The following XKR4 variants were observed in gnomAD, a reference collection of about 807,000 sequenced individuals.
The protein encoded by XKR4 is XK related 4.
Under a neutral mutation model 53.9 loss-of-function variants are expected in XKR4, and 12 were observed. That is an observed-to-expected ratio of 0.22 (90% CI 0.14 to 0.36). The LOEUF (loss-of-function observed/expected upper bound fraction) is 0.36, where lower values mean the gene tolerates loss of function less well. XKR4 is among the 10% of genes least tolerant of loss of function. XKR4 has a pLI of 1.00. For synonymous variants in XKR4, 354 were observed against 362.4 expected, an observed-to-expected ratio of 0.98 and a Z score of 0.26; for missense variants, 799 against 859.5, an observed-to-expected ratio of 0.93 and a Z score of 0.88.
chr8:55,378,239 A>G (rs1200241021), intron 2 of XKR4, among the ~76,000 whole-genome samples: 2 of 152,266 alleles, frequency 1.3e-5, no homozygotes, highest in Non-Finnish European at 2.9e-5. Context: ...AATTTACACT[A>G]TCAAAGGATG....
intron 1 of XKR4, among the ~76,000 whole-genome samples, chr8:55,341,033 G>GT: frequency 6.6e-6 from 1 of 152,148 alleles, no homozygotes; most frequent in Non-Finnish European, 1.5e-5. Flanking sequence ...TAATACCAAT[G>GT]GTACTTTTGG....
intron 1 of XKR4, among the ~76,000 whole-genome samples, chr8:55,188,258 T>G (rs376249411): frequency 1.2e-4 from 19 of 152,336 alleles, no homozygotes; most frequent in African/African-American, 4.6e-4. Flanking sequence ...TCATGTTTAT[T>G]GTCTTACTCT....
intron 2 of XKR4, among the ~76,000 whole-genome samples, chr8:55,441,531 T>A (rs1317615801): frequency 6.6e-6 from 1 of 152,166 alleles, no homozygotes; most frequent in African/African-American, 2.4e-5. Flanking sequence ...ATGGGGAACA[T>A]TGCACTCGAC....
At chr8:55,184,548 G>T (rs1171524269) in intron 1 of XKR4, among the ~76,000 whole-genome samples, 1 of 152,198 alleles carries the variant, frequency 6.6e-6, no homozygotes, top group Non-Finnish European at 1.5e-5. Flanking sequence ...CACAATGGAA[G>T]TTGTGTATTT....
intron 2 of XKR4, among the ~76,000 whole-genome samples, chr8:55,466,739 A>T (rs1444685196): frequency 6.6e-6 from 1 of 152,178 alleles, no homozygotes; most frequent in East Asian, 1.9e-4. Flanking sequence ...ATGATGTATC[A>T]GAATGAGTTG....
intron 1 of XKR4, among the ~76,000 whole-genome samples, chr8:55,200,408 G>A (rs1046090396): frequency 6.6e-6 from 1 of 152,180 alleles, no homozygotes. Flanking sequence ...CATGGTGAGG[G>A]TAAAGGTAGC....
At chr8:55,440,777 G>A (rs1158346557) in intron 2 of XKR4, among the ~76,000 whole-genome samples, 1 of 152,074 alleles carries the variant, frequency 6.6e-6, no homozygotes, top group African/African-American at 2.4e-5. Flanking sequence ...TAAAACATGA[G>A]AGCAATTAGG....
At chr8:55,283,074 T>C (rs1436680405) in intron 1 of XKR4, among the ~76,000 whole-genome samples, 8 of 152,212 alleles carry the variant, frequency 5.3e-5, no homozygotes, top group Non-Finnish European at 1.0e-4. Context: ...CTAGGAGCAA[T>C]AGGCCATACC....
chr8:55,342,143 C>G lies in XKR4; in HGVS notation c.807-15535C>G, dbSNP rs573774757. Among the ~76,000 whole-genome samples the G allele has an allele frequency of 6.8e-5, 10 of 147,362 alleles. No individual in the cohort carries two copies. In the South Asian group the frequency reaches 2.2e-3, roughly 33 times the overall value. On this transcript the variant is annotated intron_variant, in intron 1 of 2. Coordinates refer to ENST00000327381, the MANE Select transcript of XKR4 (RefSeq NM_052898.2). Reference sequence around the variant, plus strand: ...CCATCTCTGTAAATGGCAACTCTATCTTTCCAGGAGCTCAGGGCAAACATC... The same window carrying G: ...CCATCTCTGTAAATGGCAACTCTATGTTTCCAGGAGCTCAGGGCAAACATC...
At chr8:55,440,212 C>A (rs1054410838) in intron 2 of XKR4, among the ~76,000 whole-genome samples, 4 of 152,042 alleles carry the variant, frequency 2.6e-5, no homozygotes, top group Non-Finnish European at 4.4e-5. Flanking sequence ...TATTAACAGA[C>A]CTTTACTAAA....
chr8:55,327,630 C>T (rs1803313618), intron 1 of XKR4, among the ~76,000 whole-genome samples: 2 of 152,124 alleles, frequency 1.3e-5, no homozygotes, highest in East Asian at 1.9e-4. Context: ...TTGAATGAGA[C>T]CTTGCAATCA....
chr8:55,463,123 A>T (rs1805690192), intron 2 of XKR4, among the ~76,000 whole-genome samples: 1 of 152,210 alleles, frequency 6.6e-6, no homozygotes, highest in African/African-American at 2.4e-5. Context: ...CACCAAGCAG[A>T]CCTAATAGAC....
At chr8:55,156,371 C>G (rs1816906402) in intron 1 of XKR4, among the ~76,000 whole-genome samples, 1 of 145,564 alleles carries the variant, frequency 6.9e-6, no homozygotes, top group Admixed American at 7.4e-5. Context: ...CAACAGTGAG[C>G]TCAAGGTAAG....
chr8:55,183,287 C>T (rs1817338182), intron 1 of XKR4, among the ~76,000 whole-genome samples: 1 of 150,586 alleles, frequency 6.6e-6, no homozygotes, highest in African/African-American at 2.4e-5. Context: ...ATCTTTTTTC[C>T]TCTGGTTTCC....
At chr8:55,185,285 T>C (rs919153352) in intron 1 of XKR4, among the ~76,000 whole-genome samples, 2 of 152,244 alleles carry the variant, frequency 1.3e-5, no homozygotes, top group Non-Finnish European at 2.9e-5. Flanking sequence ...TATTGATATG[T>C]TTCAGTTGAG....
At chr8:55,277,755 T>A (rs1818784340) in intron 1 of XKR4, among the ~76,000 whole-genome samples, 1 of 152,194 alleles carries the variant, frequency 6.6e-6, no homozygotes, top group East Asian at 1.9e-4. Flanking sequence ...TTCTGGGTTG[T>A]GGAATAAGAC....
intron 1 of XKR4, among the ~76,000 whole-genome samples, chr8:55,323,337 C>A (rs1585520749): frequency 6.6e-6 from 1 of 152,168 alleles, no homozygotes; most frequent in Admixed American, 6.5e-5. Context: ...TAGTGCTACC[C>A]CTTTGCGGTC....
intron 1 of XKR4, among the ~76,000 whole-genome samples, chr8:55,123,404 C>T (rs2129352202): frequency 6.6e-6 from 1 of 152,320 alleles, no homozygotes; most frequent in East Asian, 1.9e-4. Context: ...ATGCCCCTGG[C>T]CTCCTTGTTG....
At chr8:55,439,185 T>TA (rs1805229016) in intron 2 of XKR4, among the ~76,000 whole-genome samples, 1 of 152,200 alleles carries the variant, frequency 6.6e-6, no homozygotes, top group Non-Finnish European at 1.5e-5. Flanking sequence ...ATCTTCAAGC[T>TA]AAAAAAGTAA....
Sources: gnomAD v4.1 joint callset for allele counts (sites outside exome capture counted in the v4.1 genomes callset) on GRCh38, gnomAD v4.1.1 for gene constraint, MANE v1.5 for transcripts, NCBI Gene and HGNC (gene_info 2026-07-23, HGNC 2026-07-21) for gene names.